Variants in MARCHF1 observed in about 807,000 individuals in gnomAD.
The protein encoded by MARCHF1 is E3 ubiquitin-protein ligase MARCHF1.
In MARCHF1, 40 loss-of-function variants were observed where a neutral mutation model predicts 54.2. The ratio of observed to expected loss-of-function variants is 0.74; its 90% CI spans 0.57 to 0.96. The LOEUF is 0.96. MARCHF1 is among the 40% of genes least tolerant of loss of function. The pLI is 0.00. For missense variants in MARCHF1, 586 were observed against 656.5 expected, an observed-to-expected ratio of 0.89 and a Z score of 1.17; for synonymous variants, 236 against 236.3, an observed-to-expected ratio of 1.00 and a Z score of 0.01.
chr4:163,863,574 T>C lies in MARCHF1; in HGVS notation c.-38-9405A>G, dbSNP rs553069215. On this transcript the variant is annotated intron_variant, in intron 3 of 9. Transcript: ENST00000514618. Reference sequence around the variant, plus strand: ...ATATGAACTCATGTTTAGTTTAATATGGATAAATGTGATTACATAACACGT... The same window carrying C: ...ATATGAACTCATGTTTAGTTTAATACGGATAAATGTGATTACATAACACGT... Among the ~76,000 whole-genome samples the C allele has an allele frequency of 6.6e-5, 10 of 152,180 alleles. No individual in the cohort carries two copies. The East Asian group carries it at 1.7e-3, about 26-fold the overall frequency.
chr4:164,346,668 A>G (rs1730114738), intron 1 of MARCHF1, among the ~76,000 whole-genome samples: 2 of 81,684 alleles, frequency 2.4e-5, no homozygotes, highest in African/African-American at 4.2e-5. Flanking sequence ...ATATATATAT[A>G]TGTCCATATG....
intron 4 of MARCHF1, among the ~76,000 whole-genome samples, chr4:163,845,095 T>C (rs1288201866): frequency 6.6e-6 from 1 of 152,192 alleles, no homozygotes; most frequent in African/African-American, 2.4e-5. Context: ...TCAGAGTTAC[T>C]GAGCACTTTT....
At chr4:164,101,195 C>T (rs1209800187) in intron 2 of MARCHF1, among the ~76,000 whole-genome samples, 4 of 152,198 alleles carry the variant, frequency 2.6e-5, no homozygotes, top group Admixed American at 1.3e-4. Context: ...GAGGGGCACC[C>T]GCCATTGCCC....
intron 2 of MARCHF1, among the ~76,000 whole-genome samples, chr4:164,047,297 T>C (rs1042604532): frequency 6.6e-6 from 1 of 152,022 alleles, no homozygotes; most frequent in Non-Finnish European, 1.5e-5. Flanking sequence ...TACAACCACA[T>C]GGAAATGAGA....
intron 4 of MARCHF1, among the ~76,000 whole-genome samples, chr4:163,761,839 C>T (rs535503637): frequency 4.2e-4 from 64 of 152,294 alleles, no homozygotes; most frequent in African/African-American, 1.5e-3. Flanking sequence ...TTCCCTTCTT[C>T]ACATTCGATT....
chr4:163,940,550 A>AC (rs1751892434), intron 3 of MARCHF1, among the ~76,000 whole-genome samples: 1 of 152,010 alleles, frequency 6.6e-6, no homozygotes, highest in Non-Finnish European at 1.5e-5. Context: ...TATGTCCACC[A>AC]TTGGATCTTT....
At chr4:163,742,169 C>T (rs1029825920) in intron 4 of MARCHF1, among the ~76,000 whole-genome samples, 1 of 152,126 alleles carries the variant, frequency 6.6e-6, no homozygotes, top group Non-Finnish European at 1.5e-5. Flanking sequence ...GGAAATACTC[C>T]ATGATCTTCT....
chr4:163,524,648 AATGT>A (rs1188456044), downstream of MARCHF1: 1 of 152,190 alleles, frequency 6.6e-6, no homozygotes, highest in South Asian at 2.1e-4. Context: ...AATCTTAAAA[AATGT>A]ATGTGTGTTT....
At chr4:164,065,876 T>C (rs1239295764) in intron 2 of MARCHF1, among the ~76,000 whole-genome samples, 2 of 152,182 alleles carry the variant, frequency 1.3e-5, no homozygotes, top group Admixed American at 1.3e-4. Context: ...GGGAAAAATA[T>C]AAGAGCCAGA....
intron 1 of MARCHF1, among the ~76,000 whole-genome samples, chr4:164,326,736 A>G (rs376105924): frequency 9.8e-5 from 15 of 152,320 alleles, no homozygotes; most frequent in East Asian, 1.9e-4. Context: ...TGAGGCAACT[A>G]ACACATTTTC....
chr4:163,541,989 C>G (rs1437486097), intron 9 of MARCHF1, among the ~76,000 whole-genome samples: 1 of 152,132 alleles, frequency 6.6e-6, no homozygotes, highest in African/African-American at 2.4e-5. Context: ...TTGAAATTAC[C>G]CAAGTTCTAG....
At chr4:163,646,232 C>A (rs1338525588) in intron 5 of MARCHF1, among the ~76,000 whole-genome samples, 2 of 140,186 alleles carry the variant, frequency 1.4e-5, no homozygotes, top group African/African-American at 5.2e-5. Context: ...ATTCAAGAGG[C>A]TGACATGAAA....
chr4:164,013,354 G>GA (rs1355365987), intron 2 of MARCHF1, among the ~76,000 whole-genome samples: 1 of 150,250 alleles, frequency 6.7e-6, no homozygotes, highest in Non-Finnish European at 1.5e-5. Context: ...AATTAGAGGA[G>GA]AAAAAAGAAA....
chr4:163,914,613 T>C (rs1256735905), intron 3 of MARCHF1, among the ~76,000 whole-genome samples: 1 of 152,168 alleles, frequency 6.6e-6, no homozygotes, highest in East Asian at 1.9e-4. Context: ...AAGAATTAAA[T>C]AGACAACATC....
intron 2 of MARCHF1, among the ~76,000 whole-genome samples, chr4:164,110,834 A>G (rs1397522796): frequency 3.3e-5 from 5 of 151,828 alleles, no homozygotes; most frequent in African/African-American, 1.2e-4. Flanking sequence ...AATATCAGAA[A>G]GCAGTTTGTA....
intron 1 of MARCHF1, among the ~76,000 whole-genome samples, chr4:164,238,928 A>T (rs1209349736): frequency 7.9e-5 from 12 of 152,022 alleles, no homozygotes; most frequent in Admixed American, 7.9e-4. Flanking sequence ...GGATAATTGG[A>T]GACCCTGATA....
At chr4:164,195,027 A>AT in intron 1 of MARCHF1, among the ~76,000 whole-genome samples, 1 of 145,908 alleles carries the variant, frequency 6.9e-6, no homozygotes, top group Non-Finnish European at 1.5e-5. Flanking sequence ...GTATGTTCTC[A>AT]TTTTTCAACT....
At chr4:163,548,323 G>A (rs776869847) in intron 8 of MARCHF1, among the ~76,000 whole-genome samples, 5 of 152,134 alleles carry the variant, frequency 3.3e-5, no homozygotes, top group Non-Finnish European at 5.9e-5. Context: ...TTGCAGTAAC[G>A]AAATATTCAT....
chr4:163,681,653 A>G (rs1744107855), intron 5 of MARCHF1, among the ~76,000 whole-genome samples: 1 of 152,174 alleles, frequency 6.6e-6, no homozygotes, highest in Admixed American at 6.5e-5. Flanking sequence ...TCCTACTGCC[A>G]TGTGAAGAAG....
Sources: gnomAD v4.1 joint callset for allele counts (sites outside exome capture counted in the v4.1 genomes callset) on GRCh38, gnomAD v4.1.1 for gene constraint, MANE v1.5 for transcripts, NCBI Gene and HGNC (gene_info 2026-07-23, HGNC 2026-07-21) for gene names.